NF1: variants seen among roughly 807,000 people sequenced by gnomAD.
NF1 encodes the protein neurofibromin.
NF1 carries 122 observed loss-of-function variants against 325.7 expected under a neutral mutation model. That is an observed-to-expected ratio of 0.37 (90% CI 0.32 to 0.44). The LOEUF (loss-of-function observed/expected upper bound fraction) is 0.44. NF1 is among the 20% of genes least tolerant of loss of function. The probability of loss-of-function intolerance (pLI) is 1.00; values close to 1 mark genes in which losing one functional copy is unlikely to be tolerated. For missense variants in NF1, 2,140 were observed against 3,415.4 expected (o/e 0.63, Z 9.31); for synonymous variants, 1,091 against 1,186.0 (o/e 0.92, Z 1.65).
At chr17:31,158,804 T>C (rs1178717657) in intron 2 of NF1, among the ~76,000 whole-genome samples, 1 of 152,188 alleles carries the variant, frequency 6.6e-6, no homozygotes, top group Non-Finnish European at 1.5e-5. Context: ...TGGCAGACTC[T>C]AATAAATGCC....
intron 5 of NF1, among the ~76,000 whole-genome samples, chr17:31,176,325 G>A (rs982049069): frequency 2.0e-5 from 3 of 152,124 alleles, no homozygotes; most frequent in African/African-American, 7.2e-5. Context: ...AGAAGTGTCT[G>A]TTCATATCCT....
rs1184304908 is a variant in NF1, at chr17:31,214,137, C to A, written c.1393-314C>A. Reference sequence around the variant, plus strand: ...AAATCTTTTTTCCCTTATGTTTTTACATTTTAGAAAATAGTTTTTTACATA... The same window carrying A: ...AAATCTTTTTTCCCTTATGTTTTTAAATTTTAGAAAATAGTTTTTTACATA... On this transcript the variant is annotated intron_variant, in intron 12 of 57. Transcript: ENST00000358273. Among the ~76,000 whole-genome samples the A allele has an allele frequency of 2.0e-5, 3 of 151,790 alleles. 1 individual carries two copies. The East Asian group carries it at 5.8e-4, about 29-fold the overall frequency.
intron 57 of NF1, chr17:31,367,185 C>T (rs2151594812): frequency 8.1e-7 from 1 of 1,231,634 alleles, no homozygotes; most frequent in Middle Eastern, 2.2e-4. Context: ...ATCTTATGAA[C>T]ATCACTTACT....
Position 31,235,703 on chromosome 17 carries a change from G to C in NF1, c.3801G>C (p.Leu1267Phe). The C allele has an allele frequency of 6.2e-7, 1 of 1,614,044 alleles. No individual in the cohort carries two copies. Among genetic ancestry groups the C allele is most frequent in the Non-Finnish European group, 8.5e-7 (1 of 1,179,998 alleles). Reference protein sequence around the residue: ...LWNMFSKEVELADSMQTLFRG... With the variant: ...LWNMFSKEVEFADSMQTLFRG... The stretch of plus-strand genomic sequence containing the variant: ...ACATGTTTTCTAAAGAAGTAGAATT[G>C]GCAGACTCCATGCAGACTCTCTTCC... Residue 1267 changes from leucine to phenylalanine, a missense_variant, in exon 28 of 58, where the codon TTG becomes TTC. Coordinates refer to ENST00000358273, the MANE Select transcript of NF1 (RefSeq NM_001042492.3).
chr17:31,228,919 ATTTTTTG>A (rs2067062271), intron 20 of NF1, 99 bp from the exon 21 acceptor site: 1 of 867,916 alleles, frequency 1.2e-6, no homozygotes, highest in Admixed American at 2.8e-5. Flanking sequence ...TATATTTTAC[ATTTTTTG>A]TACTTTTGTC....
intron 30 of NF1, chr17:31,252,344 A>G (rs1330954423): frequency 9.9e-6 from 2 of 202,434 alleles, no homozygotes; most frequent in African/African-American, 2.3e-5. Context: ...GCCTGCAAAC[A>G]TTGAAAAATA....
At chr17:31,234,408 T>G (rs1357194440) in intron 27 of NF1, among the ~76,000 whole-genome samples, 1 of 152,110 alleles carries the variant, frequency 6.6e-6, no homozygotes, top group Non-Finnish European at 1.5e-5. Context: ...GTGTGGTCGC[T>G]CACGCCTGTA....
intron 36 of NF1, chr17:31,321,124 A>G (rs1049588599): frequency 2.6e-5 from 4 of 152,348 alleles, no homozygotes; most frequent in Non-Finnish European, 5.9e-5. Context: ...AGGTTGTGTT[A>G]TCAGAAGTTT....
At chr17:31,325,226 CCTTCT>C in intron 36 of NF1, among the ~76,000 whole-genome samples, 1 of 152,258 alleles carries the variant, frequency 6.6e-6, no homozygotes, top group Middle Eastern at 3.4e-3. Context: ...TTTCTCAGCT[CCTTCT>C]CTTCAGTCTT....
chr17:31,275,524 T>C (rs1348509946), intron 36 of NF1, among the ~76,000 whole-genome samples: 1 of 152,238 alleles, frequency 6.6e-6, no homozygotes, highest in Non-Finnish European at 1.5e-5. Flanking sequence ...GCCTAATTTA[T>C]AATTAAACTT....
At chr17:31,238,921 G>A (rs183242888) in intron 29 of NF1, among the ~76,000 whole-genome samples, 3 of 152,226 alleles carry the variant, frequency 2.0e-5, no homozygotes, top group East Asian at 1.9e-4. Flanking sequence ...CAGTTACAGC[G>A]AACATTAAAC....
chr17:31,200,403 C>G lies in NF1; in HGVS notation c.889-19C>G, dbSNP rs2143871497. The G allele has an allele frequency of 6.2e-7, 1 of 1,612,054 alleles. No individual in the cohort carries two copies. The highest frequency in any genetic ancestry group is 8.5e-7 in the Non-Finnish European group (1 of 1,178,398). ...AGAAACTTCATATATTATCTTATCG[C>G]TATATTTGAATTCTGTAGAAGTTAT... is the stretch of plus-strand genomic sequence containing the variant. On this transcript the variant is annotated intron_variant, in intron 8 of 57. Transcript: ENST00000358273.
Position 31,350,258 on chromosome 17 carries a change from T to C in NF1, c.7397T>C (p.Ile2466Thr), listed in dbSNP as rs771915484. ...KHRKSLLLTDISMENVPMDTY... is the reference protein window; with the variant it reads ...KHRKSLLLTDTSMENVPMDTY... ...AGAAAGTCACTTCTTCTTACTGATATTTCAATGGAAAATGTTCCTATGGAT... is the reference window on the plus strand; with the variant it reads ...AGAAAGTCACTTCTTCTTACTGATACTTCAATGGAAAATGTTCCTATGGAT... Residue 2466 changes from isoleucine (I) to threonine (T), a missense_variant, in exon 50 of 58, where the codon ATT (isoleucine) becomes ACT (threonine). Physicochemically the swap from Ile to Thr is moderately conservative, Grantham distance 89 (BLOSUM62 -1). Around this residue, in one of 10 missense-constraint regions of NF1, gnomAD observed 522 missense variants for 749.0 expected, o/e 0.70. Transcript: ENST00000358273. 1 of 1,613,736 alleles carries C rather than the reference T, an allele frequency of 6.2e-7. No individual in the cohort carries two copies. Among genetic ancestry groups the C allele is most frequent in the Non-Finnish European group, 8.5e-7 (1 of 1,179,658 alleles).
Position 31,177,100 on chromosome 17 carries a change from C to T in NF1, c.587-4322C>T, listed in dbSNP as rs181619143. On this transcript the variant is annotated intron_variant, in intron 5 of 57. Coordinates refer to ENST00000358273, the MANE Select transcript of NF1 (RefSeq NM_001042492.3). The stretch of plus-strand genomic sequence containing the variant: ...AATCTATAAATTGCTTTGGGCAGTA[C>T]GGCCATTTTCACGATATTGATTCTT... 5.9e-5 allele frequency among the ~76,000 whole-genome samples: 9 copies of T among 152,210 alleles called. No individual in the cohort carries two copies. In the East Asian group the frequency reaches 7.7e-4, roughly 13 times the overall value.
rs776722942 is a variant in NF1 at position 31,218,989 on chromosome 17, CT to C, written c.1528-9del. 13 of 1,602,186 alleles carry C rather than the reference CT, an allele frequency of 8.1e-6. No homozygotes were observed. Among genetic ancestry groups the C allele is most frequent in the Middle Eastern group, 1.7e-4 (1 of 6,050 alleles). On this transcript the variant is annotated splice_polypyrimidine_tract_variant and intron_variant, in intron 13 of 57. Transcript: ENST00000358273. The stretch of plus-strand genomic sequence containing the variant: ...TATTTATTTTTTTAATTGAAGTTTC[CT>C]TTTTTTCCTTGCAGAATCCAAGAAA...
At chr17:31,360,131 G>C (rs555782064) in intron 56 of NF1, 1 of 341,500 alleles carries the variant, frequency 2.9e-6, no homozygotes, top group East Asian at 7.4e-5. Context: ...ACAGTGTCTA[G>C]TGAGTGGAAT....
chr17:31,252,257 A>G (rs1013385393), intron 30 of NF1: 1 of 207,234 alleles, frequency 4.8e-6, no homozygotes, highest in African/African-American at 2.3e-5. Flanking sequence ...GCTTCTTACT[A>G]GTTGAGCTGA....
chr17:31,311,535 A>G (rs545265127), intron 36 of NF1, among the ~76,000 whole-genome samples: 1 of 152,374 alleles, frequency 6.6e-6, no homozygotes, highest in East Asian at 1.9e-4. Flanking sequence ...GCCATTCTGC[A>G]TCTTGAGGAA....
At chr17:31,244,883 G>C (rs2067364877) in intron 29 of NF1, among the ~76,000 whole-genome samples, 1 of 152,142 alleles carries the variant, frequency 6.6e-6, no homozygotes, top group Non-Finnish European at 1.5e-5. Flanking sequence ...CCTCCATTCA[G>C]CCATCTTGCT....
Sources: allele counts gnomAD v4.1 joint callset (sites outside exome capture counted in the v4.1 genomes callset), GRCh38; gene constraint gnomAD v4.1.1; regional missense constraint gnomAD v4.1.1; transcripts MANE v1.5; gene names NCBI Gene and HGNC (gene_info 2026-07-23, HGNC 2026-07-21).